Variants in NUP214 observed in about 807,000 individuals in gnomAD.
NUP214 encodes nucleoporin 214.
In NUP214, 79 loss-of-function variants were observed where a neutral mutation model predicts 196.2. That is an observed-to-expected ratio of 0.40 (90% CI 0.34 to 0.49). The LOEUF (loss-of-function observed/expected upper bound fraction) is 0.49, where lower values mean the gene tolerates loss of function less well. Ranked by LOEUF, NUP214 falls within the 20% of genes least tolerant of loss-of-function variation. The pLI, the probability that NUP214 is intolerant of heterozygous loss-of-function variation, is 0.58. For missense variants in NUP214, 2,468 were observed against 2,539.0 expected (o/e 0.97, Z 0.60); for synonymous variants, 1,020 against 990.5 (o/e 1.03, Z -0.56).
At chr9:131,200,592 C>T (rs542339930) in intron 29 of NUP214, among the ~76,000 whole-genome samples, 1 of 152,160 alleles carries the variant, frequency 6.6e-6, no homozygotes, top group Non-Finnish European at 1.5e-5. Context: ...GCATGTAGTC[C>T]CAGCTACTTG....
intron 30 of NUP214, among the ~76,000 whole-genome samples, chr9:131,212,960 C>A (rs912169789): frequency 1.3e-5 from 2 of 152,042 alleles, no homozygotes; most frequent in Non-Finnish European, 2.9e-5. Flanking sequence ...ACTCTTCTGT[C>A]TGCTTTTTGT....
Position 131,174,310 on chromosome 9 carries a change from G to A in NUP214, c.3149G>A (p.Gly1050Glu). ...LVHGSSPGVM[G>E]TSVATSASKI... Reference sequence around the variant, plus strand: ...CATGGTTCTTCACCTGGTGTGATGGGAACTTCAGGTAAGTAAACAGTGGGA... The same window carrying A: ...CATGGTTCTTCACCTGGTGTGATGGAAACTTCAGGTAAGTAAACAGTGGGA... The change falls in exon 22 of 36, where the codon GGA becomes GAA. Residue 1050 changes from glycine to glutamate, a missense_variant. Coordinates refer to ENST00000359428, the MANE Select transcript of NUP214 (RefSeq NM_005085.4). 1 of 1,609,850 alleles carries A rather than the reference G, an allele frequency of 6.2e-7. No homozygotes were observed. The highest frequency in any genetic ancestry group is 1.7e-4 in the Middle Eastern group (1 of 6,054).
chr9:131,135,798 C>A lies in NUP214; in HGVS notation c.939-142C>A, dbSNP rs188640872. On this transcript the variant is annotated intron_variant, in intron 8 of 35. Coordinates refer to ENST00000359428, the MANE Select transcript of NUP214 (RefSeq NM_005085.4). ...GTTCAGCTTTACATCTAGAATCTTC[C>A]CACCTTTGTTCAACCAGATAAAAAA... The A allele has an allele frequency of 3.0e-5, 18 of 602,432 alleles. No homozygotes were observed. In the Admixed American group the frequency reaches 5.3e-4, roughly 18 times the overall value. The allele number at this position is 602,432 out of a possible 1,614,324, so 37.3% of individuals were successfully genotyped here. A position where few individuals can be genotyped will look rare whatever the true frequency, so the allele number is the denominator to read the frequency against.
At chr9:131,176,758 A>G (rs1365753565) in intron 23 of NUP214, among the ~76,000 whole-genome samples, 1 of 152,198 alleles carries the variant, frequency 6.6e-6, no homozygotes, top group Non-Finnish European at 1.5e-5. Flanking sequence ...ACGTTAATGT[A>G]CATTGTACAT....
Position 131,192,206 on chromosome 9 carries a change from A to G in NUP214, c.3575-2A>G. 1.8e-6 allele frequency: 1 copy of G among 570,738 alleles called. No homozygotes were observed. The highest frequency in any genetic ancestry group is 2.6e-6 in the Non-Finnish European group (1 of 384,522). The allele number at this position is 570,738 out of a possible 1,614,324, so 35.4% of individuals were successfully genotyped here. The stretch of plus-strand genomic sequence containing the variant: ...TTTTTTTTTTTTTTTCCATAATTTC[A>G]GGGACAGCCAAGATAGAAACAGCTG... On this transcript the variant is annotated splice_acceptor_variant, in intron 26 of 35. Transcript: ENST00000359428. LOFTEE classifies it high-confidence loss of function.
intron 30 of NUP214, among the ~76,000 whole-genome samples, chr9:131,213,751 C>CTGCTGT (rs1554740988): frequency 6.8e-6 from 1 of 147,532 alleles, no homozygotes; most frequent in Non-Finnish European, 1.5e-5. Flanking sequence ...TGAATTGGTA[C>CTGCTGT]TGTTGTTGTT....
intron 17 of NUP214, among the ~76,000 whole-genome samples, chr9:131,153,995 G>A (rs1460864844): frequency 6.6e-6 from 1 of 152,164 alleles, no homozygotes; most frequent in African/African-American, 2.4e-5. Context: ...AAGAAGAATT[G>A]TTTTTGGCTG....
intron 28 of NUP214, among the ~76,000 whole-genome samples, 191 bp from the exon 29 acceptor site, chr9:131,197,025 A>C (rs1833807836): frequency 6.6e-6 from 1 of 152,158 alleles, no homozygotes; most frequent in South Asian, 2.1e-4. Flanking sequence ...TTCACCTCAG[A>C]CGACTCAGAG....
At chr9:131,165,695 G>A (rs774037278) in intron 21 of NUP214, among the ~76,000 whole-genome samples, 10 of 152,136 alleles carry the variant, frequency 6.6e-5, no homozygotes, top group Non-Finnish European at 1.0e-4. Flanking sequence ...CAGCATTATT[G>A]GTAATAGCCA....
intron 30 of NUP214, among the ~76,000 whole-genome samples, chr9:131,205,100 G>A (rs141228811): frequency 4.6e-5 from 7 of 152,058 alleles, no homozygotes; most frequent in South Asian, 4.2e-4. Context: ...CAGTCTGGGC[G>A]ACAGAGCAAG....
At chr9:131,192,178 T>TC in intron 26 of NUP214, 30 bp from the exon 27 acceptor site, 1 of 843,900 alleles carries the variant, frequency 1.2e-6, no homozygotes. Context: ...TCTTTTTTTT[T>TC]TTTTTTTTTT....
intron 30 of NUP214, among the ~76,000 whole-genome samples, chr9:131,207,175 CACTT>C (rs1834110769): frequency 1.3e-5 from 2 of 152,204 alleles, no homozygotes; most frequent in African/African-American, 2.4e-5. Context: ...GTAGAAGTCA[CACTT>C]ACTCTGGCAG....
chr9:131,164,929 T>G (rs1034886593), intron 21 of NUP214, among the ~76,000 whole-genome samples: 9 of 152,232 alleles, frequency 5.9e-5, no homozygotes, highest in Non-Finnish European at 2.9e-5. Context: ...TTAAAATTTT[T>G]TTATGCCAAT....
At position 131,162,991 on chromosome 9, in the gene NUP214, G is replaced by A; in HGVS notation, c.2541G>A (p.Arg847=). The A allele has an allele frequency of 6.2e-7, 1 of 1,613,856 alleles. No homozygotes were observed. The highest frequency in any genetic ancestry group is 8.5e-7 in the Non-Finnish European group (1 of 1,179,918). The stretch of plus-strand genomic sequence containing the variant: ...ATTCTTTTCTCATTGTTGTCAACAG[G>A]CACCTGCTTGTGCCAGAGCGAGAGA... ...DQHLEQKKKQ[R]HLLVPERETL... is the part of the protein sequence containing the mutation. Residue 847 remains arginine, a splice_region_variant and synonymous_variant, in exon 19 of 36, where the codon AGG becomes AGA. Coordinates refer to ENST00000359428, the MANE Select transcript of NUP214 (RefSeq NM_005085.4).
chr9:131,225,032 G>A (rs1834683756), intron 32 of NUP214, among the ~76,000 whole-genome samples: 3 of 152,202 alleles, frequency 2.0e-5, no homozygotes, highest in Admixed American at 6.5e-5. Flanking sequence ...GGAGGCTGAG[G>A]TGGGAGGATC....
chr9:131,194,708 C>CA, intron 27 of NUP214, among the ~76,000 whole-genome samples: 1 of 152,304 alleles, frequency 6.6e-6, no homozygotes, highest in Middle Eastern at 3.4e-3. Flanking sequence ...TCAGTTCTGT[C>CA]AAAATGACTG....
intron 8 of NUP214, 63 bp from the exon 9 acceptor site, chr9:131,135,877 C>T (rs564890179): frequency 7.4e-7 from 1 of 1,357,852 alleles, no homozygotes; most frequent in South Asian, 1.2e-5. Context: ...TACCTGCAGA[C>T]CCAGGTTAGC....
At chr9:131,130,740 C>G (rs1831521846) in intron 4 of NUP214, 26 bp from the exon 5 acceptor site, 4 of 1,609,200 alleles carry the variant, frequency 2.5e-6, no homozygotes, top group Non-Finnish European at 3.4e-6. Flanking sequence ...TTCTTGTTTT[C>G]ATTTGGTAAT....
chr9:131,219,032 T>C (rs999184512), intron 31 of NUP214, among the ~76,000 whole-genome samples: 14 of 152,090 alleles, frequency 9.2e-5, no homozygotes, highest in African/African-American at 3.4e-4. Context: ...CCATGATCGC[T>C]CCCTCTCTGG....
Sources: gnomAD v4.1 joint callset for allele counts (sites outside exome capture counted in the v4.1 genomes callset) on GRCh38, gnomAD v4.1.1 for gene constraint, MANE v1.5 for transcripts, NCBI Gene and HGNC (gene_info 2026-07-23, HGNC 2026-07-21) for gene names.